KIAA1328: variants seen among roughly 807,000 people sequenced by gnomAD.
KIAA1328 encodes the protein protein hinderin.
In KIAA1328, 52 loss-of-function variants were observed where a neutral mutation model predicts 68.1. The ratio of observed to expected loss-of-function variants is 0.76; its 90% CI spans 0.61 to 0.96. KIAA1328 has a LOEUF of 0.96. KIAA1328 is among the 40% of genes least tolerant of loss of function. KIAA1328 has a pLI of 0.00. For missense variants in KIAA1328, 641 were observed against 677.6 expected (o/e 0.95, Z 0.60); for synonymous variants, 232 against 239.4 (o/e 0.97, Z 0.28).
At chr18:37,076,228 T>TAGTC (rs2056729681) in intron 7 of KIAA1328, among the ~76,000 whole-genome samples, 1 of 152,148 alleles carries the variant, frequency 6.6e-6, no homozygotes, top group Admixed American at 6.5e-5. Context: ...TGCTCCTGAA[T>TAGTC]GACTACTGGG....
intron 7 of KIAA1328, among the ~76,000 whole-genome samples, chr18:37,131,056 TA>T (rs1450888500): frequency 6.6e-6 from 1 of 152,166 alleles, no homozygotes; most frequent in Non-Finnish European, 1.5e-5. Context: ...TAAATCACAA[TA>T]GGGGTAGGGC....
At chr18:37,108,348 C>G (rs1034202784) in intron 7 of KIAA1328, among the ~76,000 whole-genome samples, 1 of 150,226 alleles carries the variant, frequency 6.7e-6, no homozygotes, top group Non-Finnish European at 1.5e-5. Context: ...ATGAGAACAG[C>G]AGACTCTGTG....
At chr18:37,108,185 T>C (rs2057827700) in intron 7 of KIAA1328, among the ~76,000 whole-genome samples, 1 of 152,132 alleles carries the variant, frequency 6.6e-6, no homozygotes, top group East Asian at 1.9e-4. Context: ...GGAAATACTA[T>C]GCATAAAAAA....
intron 4 of KIAA1328, among the ~76,000 whole-genome samples, chr18:36,870,820 A>T (rs1390231622): frequency 6.6e-6 from 1 of 152,228 alleles, no homozygotes; most frequent in African/African-American, 2.4e-5. Flanking sequence ...TCTTCAATTC[A>T]GTCTTTCATA....
intron 6 of KIAA1328, among the ~76,000 whole-genome samples, chr18:37,007,694 T>G (rs2053832081): frequency 6.6e-6 from 1 of 152,132 alleles, no homozygotes; most frequent in South Asian, 2.1e-4. Context: ...ACCTTCTAAC[T>G]AAATGAAGCC....
intron 3 of KIAA1328, among the ~76,000 whole-genome samples, chr18:36,836,332 G>A (rs2046673718): frequency 6.6e-6 from 1 of 152,216 alleles, no homozygotes; most frequent in Admixed American, 6.5e-5. Flanking sequence ...GTTTTACATT[G>A]AACAATAGCC....
chr18:37,023,851 T>C (rs542543178), intron 6 of KIAA1328, among the ~76,000 whole-genome samples: 6 of 152,324 alleles, frequency 3.9e-5, no homozygotes, highest in African/African-American at 4.8e-5. Flanking sequence ...TACAGTTTTC[T>C]TACATGGGTA....
chr18:37,051,580 C>T (rs1479137111), intron 6 of KIAA1328, among the ~76,000 whole-genome samples: 1 of 152,000 alleles, frequency 6.6e-6, no homozygotes, highest in African/African-American at 2.4e-5. Flanking sequence ...CAAAGAAAAC[C>T]CTGTACTAGA....
intron 6 of KIAA1328, among the ~76,000 whole-genome samples, chr18:37,031,626 T>C (rs763102185): frequency 8.5e-5 from 13 of 152,198 alleles, no homozygotes; most frequent in Non-Finnish European, 1.6e-4. Flanking sequence ...CCAGACTGTC[T>C]CTGGACTTAT....
intron 6 of KIAA1328, among the ~76,000 whole-genome samples, chr18:37,051,849 C>G (rs1477306610): frequency 1.3e-5 from 2 of 152,104 alleles, no homozygotes; most frequent in Non-Finnish European, 2.9e-5. Flanking sequence ...CAAGACCAGC[C>G]TGGCCAACAT....
intron 7 of KIAA1328, among the ~76,000 whole-genome samples, chr18:37,112,785 TA>T (rs975316684): frequency 8.5e-5 from 13 of 152,054 alleles, no homozygotes; most frequent in African/African-American, 3.1e-4. Flanking sequence ...AGTGGCTAAC[TA>T]GAATAAACAG....
At chr18:37,206,134 A>G (rs1431832523) in intron 9 of KIAA1328, among the ~76,000 whole-genome samples, 1 of 152,134 alleles carries the variant, frequency 6.6e-6, no homozygotes, top group African/African-American at 2.4e-5. Context: ...ACATTGTAAA[A>G]TTCCAAAACA....
At chr18:36,942,816 T>A (rs2050763432) in intron 5 of KIAA1328, among the ~76,000 whole-genome samples, 1 of 152,192 alleles carries the variant, frequency 6.6e-6, no homozygotes, top group African/African-American at 2.4e-5. Flanking sequence ...TTTTTAGCTA[T>A]ATTATTGTGA....
chr18:36,928,395 T>C (rs1186698588), intron 5 of KIAA1328, among the ~76,000 whole-genome samples: 4 of 152,214 alleles, frequency 2.6e-5, no homozygotes, highest in Non-Finnish European at 5.9e-5. Flanking sequence ...TACTTGACTT[T>C]ATTGTATCTC....
intron 5 of KIAA1328, among the ~76,000 whole-genome samples, chr18:36,941,936 A>C (rs555743736): frequency 2.0e-5 from 3 of 152,182 alleles, no homozygotes. Context: ...AAAAAAAAGA[A>C]CCTAATAAAA....
chr18:36,961,671 TAAAGA>T (rs2051680845), intron 6 of KIAA1328, among the ~76,000 whole-genome samples: 1 of 152,096 alleles, frequency 6.6e-6, no homozygotes, highest in African/African-American at 2.4e-5. Flanking sequence ...TCAACATTCT[TAAAGA>T]AAAGAATTTT....
intron 5 of KIAA1328, among the ~76,000 whole-genome samples, chr18:36,955,598 G>A (rs1309138510): frequency 1.3e-5 from 2 of 151,862 alleles, no homozygotes; most frequent in Admixed American, 6.6e-5. Context: ...GTGAGCCACC[G>A]CACCTGGCTG....
chr18:37,121,963 T>C (rs1375258709), intron 7 of KIAA1328, among the ~76,000 whole-genome samples: 1 of 152,104 alleles, frequency 6.6e-6, no homozygotes, highest in Non-Finnish European at 1.5e-5. Flanking sequence ...CTGAAACTGG[T>C]AGCCTCAAGG....
intron 6 of KIAA1328, among the ~76,000 whole-genome samples, chr18:37,034,393 A>G (rs933633819): frequency 1.1e-4 from 16 of 152,268 alleles, no homozygotes; most frequent in African/African-American, 3.8e-4. Context: ...CTTGTAAAGT[A>G]TTTATTTTGA....
Sources: gnomAD v4.1 joint callset for allele counts (sites outside exome capture counted in the v4.1 genomes callset) on GRCh38, gnomAD v4.1.1 for gene constraint, MANE v1.5 for transcripts, NCBI Gene and HGNC (gene_info 2026-07-23, HGNC 2026-07-21) for gene names.